Variants in SPAG9 observed in about 807,000 individuals in gnomAD.
SPAG9 encodes sperm associated antigen 9, also known as C-Jun-amino-terminal kinase-interacting protein 4.
In SPAG9, 35 loss-of-function variants were observed where a neutral mutation model predicts 166.5. The observed-to-expected ratio is 0.21, with a 90% confidence interval of 0.16 to 0.28. SPAG9 has a LOEUF of 0.28. Among genes scored for constraint, SPAG9 ranks in the 10% least tolerant of loss-of-function variants. The pLI, the probability that SPAG9 is intolerant of heterozygous loss-of-function variation, is 1.00. For synonymous variants in SPAG9, 534 were observed against 565.5 expected (o/e 0.94, Z 0.79); for missense variants, 1,235 against 1,603.3 (o/e 0.77, Z 3.92).
intron 1 of SPAG9, among the ~76,000 whole-genome samples, chr17:51,116,974 G>T (rs7223917): frequency 1.3e-5 from 2 of 152,010 alleles, no homozygotes; most frequent in African/African-American, 2.4e-5. Flanking sequence ...AGAATGGAGA[G>T]GTGTGTCACA....
chr17:50,977,021 G>A lies in SPAG9; in HGVS notation c.3523+87C>T, dbSNP rs573382233. The A allele has an allele frequency of 1.1e-4, 94 of 821,610 alleles. No individual in the cohort carries two copies. In the South Asian group the frequency reaches 1.3e-3, roughly 12 times the overall value. 50.9% of individuals were successfully genotyped at this position (821,610 alleles called of 1,614,324 possible). A position where few individuals can be genotyped will look rare whatever the true frequency, so the allele number is the denominator to read the frequency against. On this transcript the variant is annotated intron_variant, in intron 27 of 29. Coordinates refer to ENST00000262013, the MANE Select transcript of SPAG9 (RefSeq NM_001130528.3). ...AGATCTTTGCCATCACTGATTTTCTGAGCTAACACAGATTTGAATTTCAGA... is the reference window on the plus strand; with the variant it reads ...AGATCTTTGCCATCACTGATTTTCTAAGCTAACACAGATTTGAATTTCAGA...
intron 29 of SPAG9, among the ~76,000 whole-genome samples, chr17:50,967,987 T>C (rs1008879074): frequency 3.3e-5 from 5 of 152,188 alleles, no homozygotes; most frequent in Non-Finnish European, 7.3e-5. Context: ...AAAAACCACA[T>C]AGAGATTTTA....
intron 6 of SPAG9, among the ~76,000 whole-genome samples, chr17:51,022,982 G>A (rs2046002122): frequency 1.8e-5 from 2 of 113,972 alleles, no homozygotes; most frequent in South Asian, 5.1e-4. Context: ...ATAAATCAGG[G>A]TTAGGGTAAA....
At chr17:51,063,783 G>C (rs1028177063) in intron 2 of SPAG9, among the ~76,000 whole-genome samples, 3 of 152,048 alleles carry the variant, frequency 2.0e-5, no homozygotes, top group African/African-American at 7.2e-5. Flanking sequence ...TTGGGAGGCT[G>C]AGGCAGGAGA....
At chr17:51,051,033 T>TAA (rs566199371) in intron 3 of SPAG9, among the ~76,000 whole-genome samples, 14,334 of 110,140 alleles carry the variant, frequency 0.13, 792 homozygotes, top group Non-Finnish European at 0.19. Context: ...AATTTAAAAA[T>TAA]AAAAAAAAAA....
chr17:51,077,067 TAG>T (rs2048026270), intron 2 of SPAG9, among the ~76,000 whole-genome samples: 3 of 123,666 alleles, frequency 2.4e-5, no homozygotes, highest in African/African-American at 9.7e-5. Flanking sequence ...GCTATCTAGC[TAG>T]CTATCTAGCT....
intron 1 of SPAG9, among the ~76,000 whole-genome samples, chr17:51,096,818 G>A (rs1598175507): frequency 1.3e-5 from 2 of 152,180 alleles, no homozygotes; most frequent in East Asian, 3.8e-4. Context: ...CGTGAAATAC[G>A]TATTTGGTCT....
At chr17:51,057,330 G>C (rs990353892) in intron 2 of SPAG9, among the ~76,000 whole-genome samples, 4 of 152,106 alleles carry the variant, frequency 2.6e-5, no homozygotes, top group African/African-American at 9.7e-5. Flanking sequence ...AAATAAAGCT[G>C]GTGCTAGAGG....
intron 1 of SPAG9, among the ~76,000 whole-genome samples, chr17:51,097,272 GT>G (rs2048673446): frequency 6.6e-6 from 1 of 152,164 alleles, no homozygotes; most frequent in Admixed American, 6.5e-5. Context: ...AAACATAACT[GT>G]TTCCCCAGGT....
chr17:51,027,562 G>A (rs1271352592), intron 6 of SPAG9, among the ~76,000 whole-genome samples: 2 of 152,124 alleles, frequency 1.3e-5, no homozygotes, highest in African/African-American at 4.8e-5. Flanking sequence ...ATAATAGACA[G>A]CATACAGCAT....
At chr17:51,057,194 C>T (rs969483291) in intron 2 of SPAG9, among the ~76,000 whole-genome samples, 2 of 152,024 alleles carry the variant, frequency 1.3e-5, no homozygotes, top group Non-Finnish European at 2.9e-5. Flanking sequence ...ACACTGTTAC[C>T]ACAGAGAAGG....
At chr17:51,053,885 A>ATATATAT (rs1555650797) in intron 3 of SPAG9, among the ~76,000 whole-genome samples, 2 of 116,366 alleles carry the variant, frequency 1.7e-5, no homozygotes, top group African/African-American at 3.6e-5. Flanking sequence ...ATATATATAT[A>ATATATAT]TATATATATA....
intron 1 of SPAG9, among the ~76,000 whole-genome samples, chr17:51,104,019 A>G (rs1019379743): frequency 6.6e-6 from 1 of 152,210 alleles, no homozygotes. Context: ...TTCCAGCAAT[A>G]TTTAAAAGTT....
chr17:51,025,806 C>T (rs1252365346), intron 6 of SPAG9, among the ~76,000 whole-genome samples: 2 of 151,938 alleles, frequency 1.3e-5, no homozygotes, highest in East Asian at 1.9e-4. Flanking sequence ...GCATGAGAAT[C>T]GCTTGAACCC....
intron 2 of SPAG9, among the ~76,000 whole-genome samples, chr17:51,063,521 T>C (rs774672764): frequency 1.3e-5 from 2 of 152,192 alleles, no homozygotes; most frequent in Admixed American, 6.5e-5. Context: ...CAGCTTTTCA[T>C]ATAAATGTAT....
intron 2 of SPAG9, among the ~76,000 whole-genome samples, chr17:51,074,600 C>T (rs1183492580): frequency 8.5e-5 from 13 of 152,128 alleles, no homozygotes; most frequent in Admixed American, 8.5e-4. Context: ...ATATTCATAA[C>T]AAAAATAAAG....
chr17:51,041,216 T>C (rs1397717381), intron 5 of SPAG9, among the ~76,000 whole-genome samples: 2 of 152,232 alleles, frequency 1.3e-5, no homozygotes, highest in East Asian at 3.8e-4. Flanking sequence ...CTAGTTACCC[T>C]ACTCTAAACT....
At chr17:51,059,771 AAAAC>A (rs71149339) in intron 2 of SPAG9, among the ~76,000 whole-genome samples, 45,559 of 150,742 alleles carry the variant, frequency 0.3, 6,903 homozygotes, top group Admixed American at 0.36. Context: ...TCCATCTCAA[AAAAC>A]AAACAAACAA....
At chr17:51,022,807 G>A (rs1024610766) in intron 6 of SPAG9, among the ~76,000 whole-genome samples, 5 of 151,152 alleles carry the variant, frequency 3.3e-5, no homozygotes, top group African/African-American at 4.9e-5. Flanking sequence ...AAAATTAGCC[G>A]GGCATGGTGG....
Sources: gnomAD v4.1 joint callset for allele counts (sites outside exome capture counted in the v4.1 genomes callset) on GRCh38, gnomAD v4.1.1 for gene constraint, MANE v1.5 for transcripts, NCBI Gene and HGNC (gene_info 2026-07-23, HGNC 2026-07-21) for gene names.